PCDHGA1: variants seen among roughly 807,000 people sequenced by gnomAD.
PCDHGA1 encodes the protein protocadherin gamma-A1.
A neutral mutation model predicts 58.0 loss-of-function variants in PCDHGA1; 32 were observed. The ratio of observed to expected loss-of-function variants is 0.55; its 90% confidence interval spans 0.42 to 0.74. The LOEUF is 0.74. Among genes scored for constraint, PCDHGA1 ranks in the 30% least tolerant of loss-of-function variants. The pLI is 0.00. For missense variants in PCDHGA1, 1,205 were observed against 1,182.3 expected, an observed-to-expected ratio of 1.02 and a Z score of -0.28; for synonymous variants, 498 against 501.1, an observed-to-expected ratio of 0.99 and a Z score of 0.08.
At chr5:141,448,573 A>AT (rs976781630) in intron 1 of PCDHGA1, among the ~76,000 whole-genome samples, 10 of 151,772 alleles carry the variant, frequency 6.6e-5, no homozygotes, top group East Asian at 5.8e-4. Flanking sequence ...TTATTTCCCC[A>AT]TTTTTTTTAC....
At position 141,472,368 on chromosome 5, in the gene PCDHGA1, C is replaced by T. The variant is rs555805048; in HGVS notation, c.2422-22439C>T. ...CATCCTGGCTAACACGGTGAAACCC[C>T]GTCTCCACTAAAAATAGAAAAAATT... is the stretch of plus-strand genomic sequence containing the variant. On this transcript the variant is annotated intron_variant, in intron 1 of 3. Transcript: ENST00000517417. Among the ~76,000 whole-genome samples, 214 of 152,012 alleles carry T rather than the reference C, an allele frequency of 1.4e-3. 1 individual carries two copies. The highest frequency in any genetic ancestry group is 4.8e-3 in the African/African-American group (199 of 41,452).
At chr5:141,440,954 G>A (rs908507291) in intron 1 of PCDHGA1, 9 of 152,184 alleles carry the variant, frequency 5.9e-5, no homozygotes, top group Non-Finnish European at 1.0e-4. Flanking sequence ...GAGTGTCAAG[G>A]CAGAGATCAC....
intron 1 of PCDHGA1, chr5:141,342,384 A>G (rs1757154263): frequency 6.6e-6 from 1 of 152,110 alleles, no homozygotes; most frequent in African/African-American, 2.4e-5. Flanking sequence ...TATGTTGGTT[A>G]TGTATTTAAT....
chr5:141,490,062 C>A lies in PCDHGA1; in HGVS notation c.2422-4745C>A, dbSNP rs758715682. 6.2e-7 allele frequency: 1 copy of A among 1,614,218 alleles called. No homozygotes were observed. The highest frequency in any genetic ancestry group is 1.1e-5 in the South Asian group (1 of 91,082). ...CCACTGATCCAGACGAGGGCACCAA[C>A]GGCCAACTAGACTATTCTTTTGGAG... On this transcript the variant is annotated intron_variant, in intron 1 of 3. Coordinates refer to ENST00000517417, the MANE Select transcript of PCDHGA1 (RefSeq NM_018912.3). The surrounding 1 kb of genome is among the most constrained non-coding windows in gnomAD (Gnocchi z 5.4).
At chr5:141,410,022 A>C (rs557770094) in intron 1 of PCDHGA1, 2 of 1,613,094 alleles carry the variant, frequency 1.2e-6, no homozygotes, top group South Asian at 2.2e-5. Context: ...CTGTCCTACC[A>C]CGTGCTGCAG....
At chr5:141,400,999 TCCTA>T (rs1239504565) in intron 1 of PCDHGA1, among the ~76,000 whole-genome samples, 2 of 152,226 alleles carry the variant, frequency 1.3e-5, no homozygotes, top group African/African-American at 2.4e-5. Flanking sequence ...GCTTTCTTAT[TCCTA>T]CCTAATGGAT....
intron 1 of PCDHGA1, chr5:141,375,011 G>A (rs1035429416): frequency 1.2e-6 from 2 of 1,614,028 alleles, no homozygotes; most frequent in African/African-American, 1.3e-5. Context: ...TCTAGACTAT[G>A]AGGACTCGAG....
Position 141,432,477 on chromosome 5 carries a change from C to G in PCDHGA1, c.2422-62330C>G. On this transcript the variant is annotated intron_variant, in intron 1 of 3. Coordinates refer to ENST00000517417, the MANE Select transcript of PCDHGA1 (RefSeq NM_018912.3). This position sits in a 1 kb window ranked among gnomAD's most constrained non-coding sequence, Gnocchi z 6.0. ...CCCGCCCTCCCCACGGACGGTTCCA[C>G]TGGCGTGGAGCTGGCTCCCCGCTCC... 3 of 1,614,212 alleles carry G rather than the reference C, an allele frequency of 1.9e-6. No homozygotes were observed. Among genetic ancestry groups the G allele is most frequent in the Non-Finnish European group, 1.7e-6 (2 of 1,180,044 alleles).
In PCDHGA1 at chr5:141,399,774, C is replaced by T. The variant is rs758550367; in HGVS notation, c.2421+66669C>T. The T allele has an allele frequency of 1.5e-5, 24 of 1,613,116 alleles. No homozygotes were observed. In the South Asian group the frequency reaches 2.4e-4, roughly 16 times the overall value. On this transcript the variant is annotated intron_variant, in intron 1 of 3. Transcript: ENST00000517417. Reference sequence around the variant, plus strand: ...ACGTGAGCCTGCGCGTGTTGGTGGGCGACCGAAACGACAACGCACCGCGGG... The same window carrying T: ...ACGTGAGCCTGCGCGTGTTGGTGGGTGACCGAAACGACAACGCACCGCGGG...
intron 1 of PCDHGA1, chr5:141,405,078 T>G: frequency 6.2e-7 from 1 of 1,613,888 alleles, no homozygotes; most frequent in Non-Finnish European, 8.5e-7. Flanking sequence ...ACCTTCGTTA[T>G]CACGCTGCTG....
At chr5:141,388,824 T>G (rs760173455) in intron 1 of PCDHGA1, 1 of 1,613,960 alleles carries the variant, frequency 6.2e-7, no homozygotes, top group East Asian at 2.2e-5. Flanking sequence ...CAAAGAATAT[T>G]CCATAGTTTT....
intron 1 of PCDHGA1, among the ~76,000 whole-genome samples, chr5:141,458,871 T>C (rs2098955493): frequency 6.6e-6 from 1 of 152,210 alleles, no homozygotes; most frequent in African/African-American, 2.4e-5. Flanking sequence ...TAGCTGGGAC[T>C]ACAGGCATGC....
intron 1 of PCDHGA1, among the ~76,000 whole-genome samples, chr5:141,434,452 G>T (rs2097695209): frequency 6.6e-6 from 1 of 152,334 alleles, no homozygotes; most frequent in African/African-American, 2.4e-5. Flanking sequence ...CTGGAAGGTA[G>T]TGGGTTTACC....
chr5:141,361,085 T>A, intron 1 of PCDHGA1: 1 of 1,614,014 alleles, frequency 6.2e-7, no homozygotes, highest in Non-Finnish European at 8.5e-7. Flanking sequence ...AGTTACACTC[T>A]GAGTATCGAA....
chr5:141,345,320 C>A (rs564741098), intron 1 of PCDHGA1: 3 of 1,613,966 alleles, frequency 1.9e-6, no homozygotes, highest in East Asian at 2.2e-5. Flanking sequence ...ATGGGGGAAG[C>A]CCGCCACTGT....
At chr5:141,355,853 G>T in intron 1 of PCDHGA1, 1 of 1,612,554 alleles carries the variant, frequency 6.2e-7, no homozygotes, top group Non-Finnish European at 8.5e-7. Flanking sequence ...TTCGATGGAG[G>T]TGACCCGGTT....
Position 141,332,107 on chromosome 5 carries a change from A to G in PCDHGA1, c.1423A>G (p.Arg475Gly). 6.2e-7 allele frequency: 1 copy of G among 1,614,146 alleles called. No homozygotes were observed. The highest frequency in any genetic ancestry group is 8.5e-7 in the Non-Finnish European group (1 of 1,180,014). The change falls in exon 1 of 4, where the codon AGG becomes GGG. Residue 475 changes from arginine to glycine, a missense_variant. Physicochemically the swap from Arg to Gly is moderately radical, Grantham distance 125. Coordinates refer to ENST00000517417, the MANE Select transcript of PCDHGA1 (RefSeq NM_018912.3). This position sits in a 1 kb window ranked among gnomAD's most constrained non-coding sequence, Gnocchi z 4.6. ...NPRGASIFSV[R>G]AHDLDSNENA... Reference sequence around the variant, plus strand: ...CAGAGGAGCCTCCATCTTCTCTGTGAGGGCCCACGACTTGGACAGCAATGA... The same window carrying G: ...CAGAGGAGCCTCCATCTTCTCTGTGGGGGCCCACGACTTGGACAGCAATGA...
intron 1 of PCDHGA1, among the ~76,000 whole-genome samples, chr5:141,465,360 C>T (rs1238387777): frequency 6.6e-6 from 1 of 151,940 alleles, no homozygotes; most frequent in Non-Finnish European, 1.5e-5. Context: ...AAAATGGGTG[C>T]CCTTTAAAGT....
At position 141,485,565 on chromosome 5, in the gene PCDHGA1, C is replaced by T. The variant is rs1213821989; in HGVS notation, c.2422-9242C>T. The T allele has an allele frequency of 2.5e-6, 4 of 1,612,946 alleles. No homozygotes were observed. Among genetic ancestry groups the T allele is most frequent in the Non-Finnish European group, 2.5e-6 (3 of 1,179,042 alleles). On this transcript the variant is annotated intron_variant, in intron 1 of 3. Coordinates refer to ENST00000517417, the MANE Select transcript of PCDHGA1 (RefSeq NM_018912.3). The surrounding 1 kb of genome is among the most constrained non-coding windows in gnomAD (Gnocchi z 5.7). ...ATCGTAGATGTGAATGATCACGCCCCCCGTTTTCCGCGGCAGCAGCTGGAC... is the reference window on the plus strand; with the variant it reads ...ATCGTAGATGTGAATGATCACGCCCTCCGTTTTCCGCGGCAGCAGCTGGAC...
Sources: gnomAD v4.1 joint callset for allele counts (sites outside exome capture counted in the v4.1 genomes callset) on GRCh38, gnomAD v4.1.1 for gene constraint, Gnocchi (gnomAD v3.1) non-coding constraint, MANE v1.5 for transcripts, NCBI Gene and HGNC (gene_info 2026-07-23, HGNC 2026-07-21) for gene names.